TBC1D1: variants seen among roughly 807,000 people sequenced by gnomAD.
The protein encoded by TBC1D1 is TBC1 (tre-2/USP6, BUB2, cdc16) domain family, member 1.
TBC1D1 carries 89 observed loss-of-function variants against 125.6 expected under a neutral mutation model. The ratio of observed to expected loss-of-function variants is 0.71; its 90% CI spans 0.60 to 0.85. The LOEUF is 0.85. TBC1D1 is among the 40% of genes least tolerant of loss of function. The pLI is 0.00. For missense variants in TBC1D1, 1,377 were observed against 1,469.2 expected (o/e 0.94, Z 1.03); for synonymous variants, 565 against 564.1 (o/e 1.00, Z -0.02).
intron 2 of TBC1D1, chr4:37,960,302 A>G (rs1729722791): frequency 2.4e-6 from 2 of 824,984 alleles, no homozygotes; most frequent in Non-Finnish European, 3.8e-6. Context: ...GTTCATGCTA[A>G]CTCTCAGATG....
chr4:37,976,254 G>A (rs970546542), intron 2 of TBC1D1, among the ~76,000 whole-genome samples: 1 of 152,216 alleles, frequency 6.6e-6, no homozygotes, highest in African/African-American at 2.4e-5. Flanking sequence ...GAATGAGCAT[G>A]GAAGTGGATC....
chr4:37,891,819 G>T (rs566515870), intron 1 of TBC1D1, among the ~76,000 whole-genome samples: 2 of 151,978 alleles, frequency 1.3e-5, no homozygotes, highest in Admixed American at 1.3e-4. Flanking sequence ...GGTACATCCT[G>T]TACCAGTCAT....
rs545271021 is a variant in TBC1D1, at chr4:37,975,687, T to G, written c.418-38822T>G. Among the ~76,000 whole-genome samples the G allele has an allele frequency of 2.0e-5, 3 of 152,306 alleles. No individual in the cohort carries two copies. In the South Asian group the frequency reaches 6.2e-4, roughly 32 times the overall value. ...GCATAACAGAAGGCTCGCACTCTTG[T>G]CTTCTGGTCACTTCTCACTATGTCC... On this transcript the variant is annotated intron_variant, in intron 2 of 19. Transcript: ENST00000261439.
At chr4:38,067,949 G>T (rs1035558699) in intron 12 of TBC1D1, among the ~76,000 whole-genome samples, 4 of 152,152 alleles carry the variant, frequency 2.6e-5, no homozygotes, top group Admixed American at 2.0e-4. Flanking sequence ...TAGAGATTGT[G>T]TCTGCCTGCC....
intron 10 of TBC1D1, 41 bp from the exon 11 acceptor site, chr4:38,049,577 T>C: frequency 6.5e-7 from 1 of 1,546,210 alleles, no homozygotes; most frequent in Admixed American, 2.1e-5. Flanking sequence ...ATCCCACATA[T>C]TCCCCATGGT....
In TBC1D1 at chr4:37,963,835, C is replaced by T. The variant is rs147580766; in HGVS notation, c.418-50674C>T. 1.2e-3 allele frequency among the ~76,000 whole-genome samples: 188 copies of T among 152,288 alleles called. 1 individual carries two copies. The highest frequency in any genetic ancestry group is 4.2e-3 in the African/African-American group (176 of 41,552). ...AAAAAATCCAATATCGGACTCTACT[C>T]CCTTGTAGATTAGGAATGATATCCC... On this transcript the variant is annotated intron_variant, in intron 2 of 19. Transcript: ENST00000261439.
intron 2 of TBC1D1, among the ~76,000 whole-genome samples, chr4:37,926,825 T>C (rs944409379): frequency 1.3e-5 from 2 of 152,190 alleles, no homozygotes; most frequent in African/African-American, 2.4e-5. Context: ...GCTTGAAATA[T>C]TACTGTTATG....
At chr4:37,970,943 C>A (rs1047047692) in intron 2 of TBC1D1, among the ~76,000 whole-genome samples, 5 of 151,880 alleles carry the variant, frequency 3.3e-5, no homozygotes, top group Non-Finnish European at 1.5e-5. Context: ...CCTCACTGGC[C>A]CCCCCCACTA....
At chr4:37,986,497 T>G (rs1164207526) in intron 2 of TBC1D1, among the ~76,000 whole-genome samples, 4 of 152,130 alleles carry the variant, frequency 2.6e-5, no homozygotes, top group Admixed American at 6.5e-5. Context: ...CCAGGCTGGA[T>G]TGCAGTGGCG....
Position 37,937,083 on chromosome 4 carries a change from G to A in TBC1D1, c.417+34571G>A, listed in dbSNP as rs1352580597. On this transcript the variant is annotated intron_variant, in intron 2 of 19. Transcript: ENST00000261439. ...GCATCACAGGAATACCCTGCTAAGG[G>A]CAACACGCTGGCACTGCTGCTGCCA... is the stretch of plus-strand genomic sequence containing the variant. Among the ~76,000 whole-genome samples the A allele has an allele frequency of 2.6e-5, 4 of 152,298 alleles. No homozygotes were observed. In the East Asian group the frequency reaches 7.7e-4, roughly 29 times the overall value.
chr4:37,959,409 C>T (rs1285601314), intron 2 of TBC1D1, among the ~76,000 whole-genome samples: 1 of 152,076 alleles, frequency 6.6e-6, no homozygotes, highest in Non-Finnish European at 1.5e-5. Context: ...GATCATCATA[C>T]AGGTCTTCAC....
chr4:38,104,836 A>C (rs1390422526), intron 15 of TBC1D1, among the ~76,000 whole-genome samples: 1 of 151,692 alleles, frequency 6.6e-6, no homozygotes, highest in Non-Finnish European at 1.5e-5. Context: ...GCTCACTGCA[A>C]GCTCCGTCTC....
chr4:38,072,865 G>A (rs527539509), intron 12 of TBC1D1, among the ~76,000 whole-genome samples: 1 of 152,174 alleles, frequency 6.6e-6, no homozygotes, highest in African/African-American at 2.4e-5. Flanking sequence ...GAGTCATATG[G>A]TATTTGTCTT....
At chr4:38,117,278 G>A (rs1763132296) in intron 16 of TBC1D1, among the ~76,000 whole-genome samples, 1 of 152,090 alleles carries the variant, frequency 6.6e-6, no homozygotes, top group African/African-American at 2.4e-5. Context: ...CTGACCCTCT[G>A]TAGGTTGTTG....
In TBC1D1 at chr4:37,945,512, C is replaced by CA. The variant is rs59557310; in HGVS notation, c.417+43039dup. 2.3e-3 allele frequency among the ~76,000 whole-genome samples: 48 copies of CA among 20,694 alleles called. 12 individuals are homozygous for CA. The highest frequency in any genetic ancestry group is 6.5e-3 in the African/African-American group (33 of 5,064). 13.6% of individuals were successfully genotyped at this position (20,694 alleles called of 152,430 possible). Reference sequence around the variant, plus strand: ...TGGGCAACAGAGAGAGACTCCACCTCAAAAAAAAAAAAAAAAAAAAAAAAA... The same window carrying CA: ...TGGGCAACAGAGAGAGACTCCACCTCAAAAAAAAAAAAAAAAAAAAAAAAAA... On this transcript the variant is annotated intron_variant, in intron 2 of 19. Transcript: ENST00000261439.
intron 14 of TBC1D1, among the ~76,000 whole-genome samples, chr4:38,102,659 G>A (rs565859305): frequency 3.9e-5 from 6 of 151,926 alleles, no homozygotes; most frequent in African/African-American, 9.7e-5. Context: ...CAGGAGTATC[G>A]CTTGAGCCCA....
intron 13 of TBC1D1, 25 bp downstream of exon 15, chr4:38,090,142 A>G: frequency 1.9e-6 from 3 of 1,612,104 alleles, no homozygotes; most frequent in Non-Finnish European, 2.5e-6. Context: ...TTGATATTGA[A>G]CAGGCCTGGT....
chr4:38,054,081 TTATTTGTTTA>T, intron 11 of TBC1D1, 108 bp from the exon 14 acceptor site: 5 of 1,111,520 alleles, frequency 4.5e-6, no homozygotes, highest in Non-Finnish European at 6.6e-6. Flanking sequence ...CTGTGATTGA[TTATTTGTTTA>T]TACAAAGATA....
At chr4:37,958,908 G>T (rs1218568077) in intron 2 of TBC1D1, among the ~76,000 whole-genome samples, 1 of 152,084 alleles carries the variant, frequency 6.6e-6, no homozygotes, top group Admixed American at 6.5e-5. Context: ...CAGTCTCCCC[G>T]TTCCCCATTG....
Sources: allele counts gnomAD v4.1 joint callset (sites outside exome capture counted in the v4.1 genomes callset), GRCh38; gene constraint gnomAD v4.1.1; transcripts MANE v1.5; gene names NCBI Gene and HGNC (gene_info 2026-07-23, HGNC 2026-07-21).